Variants in ULK4 observed in about 807,000 individuals in gnomAD.
The protein encoded by ULK4 is inactive serine/threonine-protein kinase ULK4.
Under a neutral mutation model 160.6 loss-of-function variants are expected in ULK4, and 133 were observed. The ratio of observed to expected loss-of-function variants is 0.83; its 90% confidence interval spans 0.72 to 0.96. The LOEUF is 0.96. ULK4 is among the 40% of genes least tolerant of loss of function. The probability of loss-of-function intolerance (pLI) is 0.00; values close to 1 mark genes in which losing one functional copy is unlikely to be tolerated. For synonymous variants in ULK4, 534 were observed against 539.8 expected (o/e 0.99, Z 0.15); for missense variants, 1,580 against 1,499.5 (o/e 1.05, Z -0.89).
intron 35 of ULK4, among the ~76,000 whole-genome samples, chr3:41,393,928 G>A (rs959951243): frequency 1.3e-5 from 2 of 152,096 alleles, no homozygotes; most frequent in Admixed American, 1.3e-4. Flanking sequence ...CTAGTTGGTG[G>A]TCTTGGGAAC....
At chr3:41,838,020 A>C (rs2041809707) in intron 17 of ULK4, among the ~76,000 whole-genome samples, 1 of 152,192 alleles carries the variant, frequency 6.6e-6, no homozygotes, top group African/African-American at 2.4e-5. Flanking sequence ...GCAGCAGGTC[A>C]CTTCTACACA....
intron 35 of ULK4, among the ~76,000 whole-genome samples, chr3:41,291,367 TAAA>T (rs1231607948): frequency 3.8e-5 from 2 of 52,030 alleles, no homozygotes; most frequent in African/African-American, 1.5e-4. Flanking sequence ...AAAGAAAAAG[TAAA>T]GAAGAAAGGA....
At chr3:41,541,118 G>C (rs932050829) in intron 32 of ULK4, among the ~76,000 whole-genome samples, 1 of 152,158 alleles carries the variant, frequency 6.6e-6, no homozygotes, top group Non-Finnish European at 1.5e-5. Context: ...CCTATGTCCT[G>C]AATGGTATTG....
intron 35 of ULK4, among the ~76,000 whole-genome samples, chr3:41,343,690 T>C (rs963852553): frequency 6.6e-6 from 1 of 152,166 alleles, no homozygotes; most frequent in African/African-American, 2.4e-5. Context: ...ATCGCTAGTA[T>C]TCCTATACAC....
chr3:41,738,216 A>T (rs569223567), intron 22 of ULK4, among the ~76,000 whole-genome samples: 1 of 152,126 alleles, frequency 6.6e-6, no homozygotes, highest in African/African-American at 2.4e-5. Context: ...GAATGACAGC[A>T]GATCATCCAA....
chr3:41,794,867 A>C (rs968074480), intron 20 of ULK4, among the ~76,000 whole-genome samples: 2 of 152,052 alleles, frequency 1.3e-5, no homozygotes, highest in Non-Finnish European at 2.9e-5. Flanking sequence ...CACAGGAAAC[A>C]GCAAGGAGGA....
chr3:41,915,961 G>C lies in ULK4; in HGVS notation c.803+16C>G. The stretch of plus-strand genomic sequence containing the variant: ...CTCAAAAGAAAAAGAAAAAAAGATC[G>C]AACTACTGTCCCTACCTTTTCTGAG... On this transcript the variant is annotated intron_variant, in intron 8 of 36. Coordinates refer to ENST00000301831, the MANE Select transcript of ULK4 (RefSeq NM_017886.4). The C allele has an allele frequency of 2.6e-6, 4 of 1,553,052 alleles. No homozygotes were observed. The highest frequency in any genetic ancestry group is 1.2e-5 in the South Asian group (1 of 82,886).
In ULK4 at chr3:41,491,319, TA is replaced by T. The variant is rs2084753889; in HGVS notation, c.3227-28067del. On this transcript the variant is annotated intron_variant, in intron 32 of 36. Transcript: ENST00000301831. ...TATTACAAAGTTGTTTTGGAAAAAA[TA>T]AAAAATAAAATACAACAGTAAGAAA... 1.6e-5 allele frequency among the ~76,000 whole-genome samples: 2 copies of T among 123,960 alleles called. 1 individual carries two copies. The highest frequency in any genetic ancestry group is 5.1e-4 in the South Asian group (2 of 3,946). The allele number at this position is 123,960 out of a possible 152,430, so 81.3% of individuals were successfully genotyped here. A position where few individuals can be genotyped will look rare whatever the true frequency, so the allele number is the denominator to read the frequency against.
chr3:41,599,142 A>G (rs2031886101), intron 31 of ULK4, among the ~76,000 whole-genome samples: 1 of 152,076 alleles, frequency 6.6e-6, no homozygotes, highest in Non-Finnish European at 1.5e-5. Context: ...TTGTGACTGC[A>G]TTGGGCCGTG....
intron 22 of ULK4, among the ~76,000 whole-genome samples, chr3:41,751,018 GT>G (rs2038608198): frequency 6.9e-6 from 1 of 144,370 alleles, no homozygotes; most frequent in Non-Finnish European, 1.5e-5. Context: ...GGGAAGGAGG[GT>G]GGGAAGGAGG....
chr3:41,626,412 T>C (rs2033508892), intron 30 of ULK4, among the ~76,000 whole-genome samples: 1 of 152,180 alleles, frequency 6.6e-6, no homozygotes, highest in Non-Finnish European at 1.5e-5. Flanking sequence ...CTATGGAAGC[T>C]ACAAGCACAA....
At chr3:41,660,555 A>G (rs751248344) in intron 30 of ULK4, among the ~76,000 whole-genome samples, 1 of 152,238 alleles carries the variant, frequency 6.6e-6, no homozygotes, top group Non-Finnish European at 1.5e-5. Context: ...AACAAATTCA[A>G]AAGTCTAATT....
chr3:41,382,741 A>C (rs2081686803), intron 35 of ULK4, among the ~76,000 whole-genome samples: 1 of 152,172 alleles, frequency 6.6e-6, no homozygotes, highest in South Asian at 2.1e-4. Context: ...CTCTTGGATA[A>C]ATATTGTAAA....
chr3:41,387,010 A>T (rs1305996981), intron 35 of ULK4, among the ~76,000 whole-genome samples: 2 of 152,138 alleles, frequency 1.3e-5, no homozygotes, highest in East Asian at 3.9e-4. Flanking sequence ...CACTTTCTGA[A>T]TCCGTCTTGC....
intron 32 of ULK4, among the ~76,000 whole-genome samples, chr3:41,475,431 T>C (rs537935362): frequency 2.6e-5 from 4 of 152,282 alleles, no homozygotes; most frequent in South Asian, 2.1e-4. Context: ...ATGCACAGCA[T>C]GGTGAATATA....
At chr3:41,317,063 A>T (rs868215270) in intron 35 of ULK4, among the ~76,000 whole-genome samples, 1,128 of 94,422 alleles carry the variant, frequency 0.012, 25 homozygotes, top group African/African-American at 0.032. Context: ...AATTACATCT[A>T]TTTTTTTTTT....
intron 30 of ULK4, among the ~76,000 whole-genome samples, chr3:41,645,613 T>C (rs1331920176): frequency 6.6e-6 from 1 of 152,120 alleles, no homozygotes; most frequent in Non-Finnish European, 1.5e-5. Flanking sequence ...TACTTCCAAG[T>C]ATGTGGTCAA....
At chr3:41,447,630 G>A (rs1290522986) in intron 34 of ULK4, among the ~76,000 whole-genome samples, 6 of 152,160 alleles carry the variant, frequency 3.9e-5, no homozygotes, top group African/African-American at 1.4e-4. Context: ...TAATGATGCT[G>A]TGGCATCTAT....
At chr3:41,371,200 G>A (rs1026954654) in intron 35 of ULK4, among the ~76,000 whole-genome samples, 1 of 152,180 alleles carries the variant, frequency 6.6e-6, no homozygotes, top group Non-Finnish European at 1.5e-5. Context: ...CTCGGGGAAG[G>A]GGCGGCTGTG....
Sources: allele counts gnomAD v4.1 joint callset (sites outside exome capture counted in the v4.1 genomes callset), GRCh38; gene constraint gnomAD v4.1.1; transcripts MANE v1.5; gene names NCBI Gene and HGNC (gene_info 2026-07-23, HGNC 2026-07-21).